AKAP9: variants seen among roughly 807,000 people sequenced by gnomAD.
AKAP9 encodes A-kinase anchoring protein 9.
Under a neutral mutation model 488.5 loss-of-function variants are expected in AKAP9, and 311 were observed. The observed-to-expected ratio is 0.64, with a 90% CI of 0.58 to 0.70. AKAP9 has a LOEUF of 0.70. AKAP9 is among the 30% of genes least tolerant of loss of function. The pLI is 0.00. For synonymous variants in AKAP9, 1,462 were observed against 1,483.5 expected (o/e 0.99, Z 0.33); for missense variants, 4,215 against 4,374.5 (o/e 0.96, Z 1.03).
At chr7:92,024,840 G>A (rs1802872459) in intron 14 of AKAP9, among the ~76,000 whole-genome samples, 1 of 152,142 alleles carries the variant, frequency 6.6e-6, no homozygotes, top group South Asian at 2.1e-4. Context: ...TGCTTGTTTG[G>A]AACTAGTCGT....
Position 92,061,584 on chromosome 7 carries a change from C to CTA in AKAP9, c.5764+197_5764+198dup, listed in dbSNP as rs71528033. On this transcript the variant is annotated intron_variant, in intron 23 of 49. Transcript: ENST00000356239. ...GAGTTCCTCCAAGCAATTTTTAAAACTATATATATATATATATATATATAT... is the reference window on the plus strand; with the variant it reads ...GAGTTCCTCCAAGCAATTTTTAAAACTATATATATATATATATATATATATAT... Among the ~76,000 whole-genome samples, 6,981 of 102,082 alleles carry CTA rather than the reference C, an allele frequency of 0.068. 309 individuals are homozygous for CTA. Among genetic ancestry groups the CTA allele is most frequent in the Middle Eastern group, 0.089 (17 of 190 alleles). 67.0% of individuals were successfully genotyped at this position (102,082 alleles called of 152,430 possible). A position where few individuals can be genotyped will look rare whatever the true frequency, so the allele number is the denominator to read the frequency against.
chr7:92,107,397 A>AG lies in AKAP9; in HGVS notation c.11523dup (p.Ser3842ValfsTer8). On this transcript the variant is annotated frameshift_variant, in exon 48 of 50. Transcript: ENST00000356239. LOFTEE classifies it high-confidence loss of function. ...CTCAAGATCAGATCTGGACTATATTAGGTCCCCTTTACCATTTCAGAATAG... is the reference window on the plus strand; with the variant it reads ...CTCAAGATCAGATCTGGACTATATTAGGGTCCCCTTTACCATTTCAGAATAG... The AG allele has an allele frequency of 6.2e-7, 1 of 1,613,674 alleles. No homozygotes were observed. Among genetic ancestry groups the AG allele is most frequent in the South Asian group, 1.1e-5 (1 of 91,070 alleles).
intron 1 of AKAP9, among the ~76,000 whole-genome samples, chr7:91,955,634 G>A (rs1401461019): frequency 3.9e-5 from 6 of 152,170 alleles, no homozygotes; most frequent in African/African-American, 7.2e-5. Flanking sequence ...TCCATTGTGA[G>A]GTCAGTAAGT....
chr7:91,954,953 C>T (rs921779080), intron 1 of AKAP9, among the ~76,000 whole-genome samples: 3 of 152,188 alleles, frequency 2.0e-5, no homozygotes, highest in Non-Finnish European at 4.4e-5. Flanking sequence ...GTTTTATAGT[C>T]TGTAACATGT....
chr7:92,013,031 G>A (rs1364305652), intron 9 of AKAP9, among the ~76,000 whole-genome samples: 6 of 112,248 alleles, frequency 5.3e-5, no homozygotes, highest in Admixed American at 1.3e-4. Context: ...TCGCTCTGTC[G>A]CCCAGGCTGG....
rs187848579 is a variant in AKAP9 at position 91,993,291 on chromosome 7, C to T, written c.576+236C>T. 1.4e-4 allele frequency among the ~76,000 whole-genome samples: 21 copies of T among 151,526 alleles called. No homozygotes were observed. The East Asian group carries it at 2.9e-3, about 21-fold the overall frequency. Reference sequence around the variant, plus strand: ...GCATCCTCTGCTTCCTGGGCTCAAGCGATCCTCCCACCTCAGCCTTGTGAG... The same window carrying T: ...GCATCCTCTGCTTCCTGGGCTCAAGTGATCCTCCCACCTCAGCCTTGTGAG... On this transcript the variant is annotated intron_variant, in intron 5 of 49. Transcript: ENST00000356239.
chr7:92,019,689 G>A (rs1162555792), intron 12 of AKAP9, among the ~76,000 whole-genome samples: 1 of 151,038 alleles, frequency 6.6e-6, no homozygotes, highest in African/African-American at 2.4e-5. Context: ...AGTTTTCCTT[G>A]GCAACATTTT....
At chr7:91,957,542 C>G (rs1223323693) in intron 1 of AKAP9, among the ~76,000 whole-genome samples, 1 of 152,098 alleles carries the variant, frequency 6.6e-6, no homozygotes, top group Non-Finnish European at 1.5e-5. Context: ...CACAAAGGAA[C>G]AAGAATTCCA....
At chr7:91,998,197 CT>C (rs1798641400) in intron 7 of AKAP9, among the ~76,000 whole-genome samples, 1 of 152,060 alleles carries the variant, frequency 6.6e-6, no homozygotes, top group South Asian at 2.1e-4. Context: ...GCTGGTAATG[CT>C]TGCTTACCTC....
At chr7:92,090,346 C>G (rs1328091302) in intron 38 of AKAP9, 1 of 152,130 alleles carries the variant, frequency 6.6e-6, no homozygotes, top group African/African-American at 2.4e-5. Context: ...TGTGTAGGGC[C>G]AGGCACGGTG....
At chr7:91,946,038 T>C (rs1186606319) in intron 1 of AKAP9, among the ~76,000 whole-genome samples, 1 of 152,210 alleles carries the variant, frequency 6.6e-6, no homozygotes, top group African/African-American at 2.4e-5. Context: ...TACATGACTT[T>C]TGTTTAACAA....
At chr7:91,981,607 T>C (rs1460741182) in intron 3 of AKAP9, among the ~76,000 whole-genome samples, 4 of 147,218 alleles carry the variant, frequency 2.7e-5, no homozygotes, top group African/African-American at 9.9e-5. Flanking sequence ...GTATTTCTTT[T>C]TTTTTTTTTT....
At position 92,079,088 on chromosome 7, in the gene AKAP9, G is replaced by T; in HGVS notation, c.6955G>T (p.Glu2319Ter). Residue 2319 changes from glutamate (E) to a stop codon, truncating the protein, a stop_gained, in exon 31 of 50, where the codon GAA (glutamate) becomes TAA (stop). Transcript: ENST00000356239. LOFTEE classifies it high-confidence loss of function. ...KITTDNKVIE[E>*]KNELIRDLET... is the part of the protein sequence containing the mutation. ...TTTCATTAATTATTAGGTTATTGAA[G>T]AAAAAAATGAACTGATAAGGGATCT... 1 of 1,601,334 alleles carries T rather than the reference G, an allele frequency of 6.2e-7. No individual in the cohort carries two copies. The highest frequency in any genetic ancestry group is 1.1e-5 in the South Asian group (1 of 88,026).
chr7:92,032,895 A>T (rs1014364381), intron 16 of AKAP9, among the ~76,000 whole-genome samples: 5 of 152,110 alleles, frequency 3.3e-5, no homozygotes, highest in African/African-American at 1.2e-4. Flanking sequence ...TTGGTATTGG[A>T]TATACCATCC....
intron 21 of AKAP9, among the ~76,000 whole-genome samples, chr7:92,049,619 T>A (rs891575970): frequency 1.3e-4 from 20 of 151,666 alleles, no homozygotes; most frequent in East Asian, 7.7e-4. Flanking sequence ...TCAAAAAAAA[T>A]AATAATAATA....
In AKAP9 at chr7:92,007,157, T is replaced by C. The variant is rs568047094; in HGVS notation, c.3318+3922T>C. Reference sequence around the variant, plus strand: ...GAATAGCTTTTGTCACTTGCTTTTCTATTGTGTAGGTCCTAACCATTGCAA... The same window carrying C: ...GAATAGCTTTTGTCACTTGCTTTTCCATTGTGTAGGTCCTAACCATTGCAA... On this transcript the variant is annotated intron_variant, in intron 8 of 49. Coordinates refer to ENST00000356239, the MANE Select transcript of AKAP9 (RefSeq NM_005751.5). Among the ~76,000 whole-genome samples, 17 of 152,316 alleles carry C rather than the reference T, an allele frequency of 1.1e-4. No homozygotes were observed. The East Asian group carries it at 2.9e-3, about 26-fold the overall frequency.
At chr7:92,083,860 G>T (rs1202290443) in intron 33 of AKAP9, among the ~76,000 whole-genome samples, 1 of 152,022 alleles carries the variant, frequency 6.6e-6, no homozygotes, top group East Asian at 1.9e-4. Context: ...TAAGTTCTGG[G>T]ATACACGTGC....
At chr7:91,989,433 G>A (rs11971174) in intron 3 of AKAP9, among the ~76,000 whole-genome samples, 1,609 of 152,122 alleles carry the variant, frequency 0.011, 25 homozygotes, top group African/African-American at 0.037. Context: ...ATTAATGAAG[G>A]GACGTTTCAT....
rs777916109 is a variant in AKAP9, at chr7:91,980,371, G to GTATATTTATA, written c.351+40_351+49dup. The GTATATTTATA allele has an allele frequency of 1.7e-5, 17 of 1,019,168 alleles. 1 individual carries two copies. The African/African-American group carries it at 2.8e-4, about 17-fold the overall frequency. 63.1% of individuals were successfully genotyped at this position (1,019,168 alleles called of 1,614,324 possible). ...TATATTGATTTCTAATATCATAAAT[G>GTATATTTATA]TATATTTATATTATTATTGAAATCA... On this transcript the variant is annotated intron_variant, in intron 3 of 49. Coordinates refer to ENST00000356239, the MANE Select transcript of AKAP9 (RefSeq NM_005751.5).
Sources: gnomAD v4.1 joint callset for allele counts (sites outside exome capture counted in the v4.1 genomes callset) on GRCh38, gnomAD v4.1.1 for gene constraint, MANE v1.5 for transcripts, NCBI Gene and HGNC (gene_info 2026-07-23, HGNC 2026-07-21) for gene names.